The following DNMT1 variants were observed in gnomAD, a reference collection of about 807,000 sequenced individuals.
DNMT1 encodes DNA methyltransferase 1.
In DNMT1, 24 loss-of-function variants were observed where a neutral mutation model predicts 205.3. That is an observed-to-expected ratio of 0.12 (90% CI 0.08 to 0.16). The LOEUF (loss-of-function observed/expected upper bound fraction) is 0.16, where lower values mean the gene tolerates loss of function less well. Among genes scored for constraint, DNMT1 ranks in the 10% least tolerant of loss-of-function variants. The pLI is 1.00. For synonymous variants in DNMT1, 817 were observed against 839.8 expected (o/e 0.97, Z 0.47); for missense variants, 1,293 against 2,177.7 (o/e 0.59, Z 8.09).
At chr19:10,164,996 G>A (rs1221047704) in intron 11 of DNMT1, among the ~76,000 whole-genome samples, 1 of 133,514 alleles carries the variant, frequency 7.5e-6, no homozygotes, top group African/African-American at 2.8e-5. Flanking sequence ...GTTCATGCCT[G>A]TAATCCTACC....
At chr19:10,185,101 G>A (rs540150176) in intron 1 of DNMT1, among the ~76,000 whole-genome samples, 1 of 152,182 alleles carries the variant, frequency 6.6e-6, no homozygotes, top group Non-Finnish European at 1.5e-5. Context: ...ACTAGGCAGG[G>A]ACTTCCTGAC....
intron 11 of DNMT1, among the ~76,000 whole-genome samples, chr19:10,166,026 A>AGATAGG (rs2038685551): frequency 6.6e-6 from 1 of 151,982 alleles, no homozygotes; most frequent in African/African-American, 2.4e-5. Flanking sequence ...GGCATCTCTT[A>AGATAGG]GATAGGGACC....
Position 10,155,942 on chromosome 19 carries a change from C to T in DNMT1, c.1403G>A (p.Gly468Asp). 6.2e-7 allele frequency: 1 copy of T among 1,613,128 alleles called. No individual in the cohort carries two copies. The highest frequency in any genetic ancestry group is 8.5e-7 in the Non-Finnish European group (1 of 1,179,540). ...GGGGCCAAGATTTTTGCCATTAACA[C>T]CACCTAGAGCAGAAAAAGGAAATGG... is the stretch of plus-strand genomic sequence containing the variant. ...IYDDDPSLEG[G>D]VNGKNLGPIN... The change falls in exon 19 of 41, where the codon GGT becomes GAT. Residue 468 changes from glycine (G) to aspartate (D), a missense_variant. Gly to Asp is a moderately conservative substitution (Grantham distance 94). Transcript: ENST00000359526.
Position 10,154,763 on chromosome 19 carries a change from G to C in DNMT1, c.1655C>G (p.Pro552Arg). 6.2e-7 allele frequency: 1 copy of C among 1,614,234 alleles called. No homozygotes were observed. The highest frequency in any genetic ancestry group is 8.5e-7 in the Non-Finnish European group (1 of 1,180,046). Residue 552 changes from proline (P) to arginine (R), a missense_variant, in exon 21 of 41, where the codon CCT becomes CGT. Physicochemically the swap from Pro to Arg is moderately radical, Grantham distance 103. Transcript: ENST00000359526. This position sits in a 1 kb window ranked among gnomAD's most constrained non-coding sequence, Gnocchi z 6.3. ...GCGGTTCAAGTTGAGGCCAGAAGGA[G>C]GAACCGTGGTCTTGAAAGAGAACAG... ...DLINKIETTV[P>R]PSGLNLNRFT...
intron 1 of DNMT1, among the ~76,000 whole-genome samples, chr19:10,182,359 A>ATGTG (rs773517084): frequency 1.3e-5 from 2 of 148,764 alleles, no homozygotes; most frequent in African/African-American, 5.0e-5. Context: ...AATTATGTGT[A>ATGTG]TGTGTGTGTG....
chr19:10,151,307 C>T lies in DNMT1; in HGVS notation c.2265+91G>A. The T allele has an allele frequency of 1.3e-6, 2 of 1,581,156 alleles. No homozygotes were observed. The highest frequency in any genetic ancestry group is 8.6e-7 in the Non-Finnish European group (1 of 1,165,032). On this transcript the variant is annotated intron_variant, in intron 24 of 40. Coordinates refer to ENST00000359526, the MANE Select transcript of DNMT1 (RefSeq NM_001130823.3). This position sits in a 1 kb window ranked among gnomAD's most constrained non-coding sequence, Gnocchi z 5.0. ...AGGTTTCTTAGTGCCGGGGCTCAGG[C>T]TGCCTGAGAGGTCAGGTTGGCGAGA...
rs540022215 is a variant in DNMT1, at chr19:10,164,642, A to C, written c.892-1282T>G. Among the ~76,000 whole-genome samples the C allele has an allele frequency of 2.0e-4, 30 of 151,542 alleles. No individual in the cohort carries two copies. In the East Asian group the frequency reaches 4.3e-3, roughly 22 times the overall value. On this transcript the variant is annotated intron_variant, in intron 11 of 40. Transcript: ENST00000359526. ...AAACAAACAAACAAACAAACAAACA[A>C]ACACGCCGGGCGTGGTGCCTCACAC...
intron 37 of DNMT1, among the ~76,000 whole-genome samples, 169 bp downstream of exon 37, chr19:10,136,916 G>T (rs1262116226): frequency 6.6e-6 from 1 of 152,060 alleles, no homozygotes; most frequent in Non-Finnish European, 1.5e-5. Flanking sequence ...TGTGGGCCAT[G>T]AACCCAGCCT....
Position 10,154,980 on chromosome 19 carries a change from G to A in DNMT1, c.1569C>T (p.Tyr523=). The change falls in exon 20 of 41, where the codon TAC becomes TAT. Residue 523 remains tyrosine (Y), a synonymous_variant. Transcript: ENST00000359526. This position sits in a 1 kb window ranked among gnomAD's most constrained non-coding sequence, Gnocchi z 6.3. Reference sequence around the variant, plus strand: ...GGAACTCCACCACAATCTTGCTGATGTAGATCTTCTCCTGCATCAGCCCAA... The same window carrying A: ...GGAACTCCACCACAATCTTGCTGATATAGATCTTCTCCTGCATCAGCCCAA... ...PIFGLMQEKI[Y]ISKIVVEFLQ... 1 of 1,614,210 alleles carries A rather than the reference G, an allele frequency of 6.2e-7. No individual in the cohort carries two copies. The highest frequency in any genetic ancestry group is 2.2e-5 in the East Asian group (1 of 44,884).
chr19:10,155,049 G>C lies in DNMT1; in HGVS notation c.1500C>G (p.Ala500=). 1 of 1,614,054 alleles carries C rather than the reference G, an allele frequency of 6.2e-7. No individual in the cohort carries two copies. The highest frequency in any genetic ancestry group is 1.1e-5 in the South Asian group (1 of 91,068). Residue 500 remains alanine, a synonymous_variant, in exon 20 of 41, where the codon GCC becomes GCG. Transcript: ENST00000359526. ...GACTGGGATCCATCAGAATGTATTC[G>C]GCAAATGCTGGGGTGAACAGAGGAG... ...KALIGFSTSF[A]EYILMDPSPE...
intron 3 of DNMT1, 77 bp from the exon 4 acceptor site, chr19:10,180,646 T>TTCATCATCATCATCA: frequency 2.0e-6 from 3 of 1,467,432 alleles, no homozygotes; most frequent in East Asian, 2.3e-5. Context: ...ATGTGTTTCC[T>TTCATCATCATCATCA]TCATCATCAT....
intron 1 of DNMT1, among the ~76,000 whole-genome samples, chr19:10,192,007 AGAG>A (rs1792777797): frequency 6.6e-6 from 1 of 151,974 alleles, no homozygotes; most frequent in African/African-American, 2.4e-5. Context: ...TATTTTTAGT[AGAG>A]ATGGGGTTTC....
chr19:10,176,813 G>A (rs1022527095), intron 6 of DNMT1, among the ~76,000 whole-genome samples: 11 of 151,974 alleles, frequency 7.2e-5, no homozygotes, highest in Middle Eastern at 3.4e-3. Flanking sequence ...AGCCGAGATC[G>A]TGCCACTGCA....
Position 10,180,222 on chromosome 19 carries a change from G to A in DNMT1, c.458C>T (p.Pro153Leu). The A allele has an allele frequency of 9.0e-7, 1 of 1,117,144 alleles. No individual in the cohort carries two copies. Among genetic ancestry groups the A allele is most frequent in the Admixed American group, 2.0e-5 (1 of 50,652 alleles). 69.2% of individuals were successfully genotyped at this position (1,117,144 alleles called of 1,614,324 possible). A position where few individuals can be genotyped will look rare whatever the true frequency, so the allele number is the denominator to read the frequency against. ...SDGEAKRSRDPPASASQVTGI... is the reference protein window; with the variant it reads ...SDGEAKRSRDLPASASQVTGI... ...AGTTACTTGGGAGGCTGAGGCAGGAGGGTCTCTTGAACCTGGGAGGCAGAG... is the reference window on the plus strand; with the variant it reads ...AGTTACTTGGGAGGCTGAGGCAGGAAGGTCTCTTGAACCTGGGAGGCAGAG... Residue 153 changes from proline to leucine, a missense_variant, in exon 5 of 41, where the codon CCT (proline) becomes CTT (leucine). By Grantham distance (98) the Pro-to-Leu change is moderately conservative (BLOSUM62 -3). Around this residue, in one of 13 missense-constraint regions of DNMT1, gnomAD observed 394 missense variants for 451.6 expected, o/e 0.87. Transcript: ENST00000359526.
chr19:10,136,880 G>C (rs2089493457), intron 37 of DNMT1, among the ~76,000 whole-genome samples: 1 of 152,040 alleles, frequency 6.6e-6, no homozygotes, highest in Non-Finnish European at 1.5e-5. Context: ...TCCCGCCTTG[G>C]TTTCCCAAAG....
rs2038193262 is a variant in DNMT1, at chr19:10,146,064, G to A, written c.2894+287C>T. On this transcript the variant is annotated intron_variant, in intron 28 of 40. Coordinates refer to ENST00000359526, the MANE Select transcript of DNMT1 (RefSeq NM_001130823.3). This position sits in a 1 kb window ranked among gnomAD's most constrained non-coding sequence, Gnocchi z 4.4. The stretch of plus-strand genomic sequence containing the variant: ...GGCTGGTCTCAGACTCCTGACCTCA[G>A]ATGATTCCCCACTGCCTCGGCCTCC... Among the ~76,000 whole-genome samples the A allele has an allele frequency of 6.6e-6, 1 of 152,076 alleles. No individual in the cohort carries two copies. Among genetic ancestry groups the A allele is most frequent in the African/African-American group, 2.4e-5 (1 of 41,412 alleles).
chr19:10,154,517 A>T lies in DNMT1; in HGVS notation c.1833-38T>A. On this transcript the variant is annotated intron_variant, in intron 21 of 40. Coordinates refer to ENST00000359526, the MANE Select transcript of DNMT1 (RefSeq NM_001130823.3). This position sits in a 1 kb window ranked among gnomAD's most constrained non-coding sequence, Gnocchi z 6.3. ...TTCCAGCATCTCAGAGGACTGGGAC[A>T]GAGGATGTGGGCCATGCTCTACCCT... The T allele has an allele frequency of 6.2e-7, 1 of 1,614,144 alleles. No homozygotes were observed. The highest frequency in any genetic ancestry group is 8.5e-7 in the Non-Finnish European group (1 of 1,180,026).
In DNMT1 at chr19:10,156,358, G is replaced by A; in HGVS notation, c.1399+33C>T. 1.3e-6 allele frequency: 2 copies of A among 1,553,074 alleles called. No individual in the cohort carries two copies. The highest frequency in any genetic ancestry group is 2.2e-5 in the South Asian group (2 of 89,636). On this transcript the variant is annotated intron_variant, in intron 18 of 40. Transcript: ENST00000359526. The surrounding 1 kb of genome is among the most constrained non-coding windows in gnomAD (Gnocchi z 4.2). Reference sequence around the variant, plus strand: ...CACCCTGCCTGGCTGTTTTTAAAGTGTGCCCCAAACATAATCCCGGACTAT... The same window carrying A: ...CACCCTGCCTGGCTGTTTTTAAAGTATGCCCCAAACATAATCCCGGACTAT...
intron 1 of DNMT1, chr19:10,184,456 A>C (rs2145393369): frequency 6.6e-6 from 1 of 152,268 alleles, no homozygotes; most frequent in South Asian, 2.1e-4. Flanking sequence ...TCGTGGTCTG[A>C]TTTGATTACT....
Sources: gnomAD v4.1 joint callset for allele counts (sites outside exome capture counted in the v4.1 genomes callset) on GRCh38, gnomAD v4.1.1 for gene constraint, gnomAD v4.1.1 regional missense constraint, Gnocchi (gnomAD v3.1) non-coding constraint, MANE v1.5 for transcripts, NCBI Gene and HGNC (gene_info 2026-07-23, HGNC 2026-07-21) for gene names.